The following CACNA2D2 variants were observed in gnomAD, a reference collection of about 807,000 sequenced individuals.
CACNA2D2 encodes calcium voltage-gated channel auxiliary subunit alpha2delta 2, also known as voltage-dependent calcium channel subunit alpha-2/delta-2.
CACNA2D2 carries 48 observed loss-of-function variants against 166.4 expected under a neutral mutation model. That is an observed-to-expected ratio of 0.29 (90% confidence interval 0.23 to 0.37). CACNA2D2 has a LOEUF of 0.37. Ranked by LOEUF, CACNA2D2 falls within the 10% of genes least tolerant of loss-of-function variation. CACNA2D2 has a pLI of 1.00. For synonymous variants in CACNA2D2, 561 were observed against 573.7 expected, an observed-to-expected ratio of 0.98 and a Z score of 0.32; for missense variants, 1,122 against 1,433.0, an observed-to-expected ratio of 0.78 and a Z score of 3.50.
At chr3:50,470,907 T>G (rs1194572546) in intron 2 of CACNA2D2, among the ~76,000 whole-genome samples, 1 of 152,076 alleles carries the variant, frequency 6.6e-6, no homozygotes, top group South Asian at 2.1e-4. Flanking sequence ...AGCCCCCCCT[T>G]TAGCCCCACG....
In CACNA2D2 at chr3:50,366,740, G is replaced by A. The variant is rs1186187441; in HGVS notation, c.2589+91C>T. ...CAGCTGGCCCTGCCTCCATGTAGGTGTTGGAGCCACTGAGTGGAGGGTTGG... is the reference window on the plus strand; with the variant it reads ...CAGCTGGCCCTGCCTCCATGTAGGTATTGGAGCCACTGAGTGGAGGGTTGG... On this transcript the variant is annotated intron_variant, in intron 29 of 37. Transcript: ENST00000424201. This position sits in a 1 kb window ranked among gnomAD's most constrained non-coding sequence, Gnocchi z 5.9. The A allele has an allele frequency of 1.3e-6, 2 of 1,548,312 alleles. No individual in the cohort carries two copies. The highest frequency in any genetic ancestry group is 2.7e-5 in the African/African-American group (2 of 73,556).
At chr3:50,465,105 A>C (rs1266584560) in intron 2 of CACNA2D2, among the ~76,000 whole-genome samples, 4 of 152,188 alleles carry the variant, frequency 2.6e-5, no homozygotes, top group Non-Finnish European at 4.4e-5. Context: ...CCGGAGGAGG[A>C]GGCCACTCCA....
chr3:50,410,866 G>C (rs988749534), intron 3 of CACNA2D2, among the ~76,000 whole-genome samples: 4 of 152,250 alleles, frequency 2.6e-5, no homozygotes, highest in Non-Finnish European at 5.9e-5. Context: ...AGGGCCTGGA[G>C]TTAGAGAAGG....
At chr3:50,481,694 A>G (rs976467894) in intron 1 of CACNA2D2, among the ~76,000 whole-genome samples, 1 of 152,182 alleles carries the variant, frequency 6.6e-6, no homozygotes, top group African/African-American at 2.4e-5. Flanking sequence ...GGGGAAGGCA[A>G]CAATTTAAAA....
intron 3 of CACNA2D2, among the ~76,000 whole-genome samples, chr3:50,401,956 G>A (rs1164515140): frequency 6.6e-6 from 1 of 152,056 alleles, no homozygotes; most frequent in African/African-American, 2.4e-5. Context: ...CAAGTCATCC[G>A]CCTGCCTTGG....
At chr3:50,464,980 CAG>C (rs1042791998) in intron 2 of CACNA2D2, among the ~76,000 whole-genome samples, 3 of 152,228 alleles carry the variant, frequency 2.0e-5, no homozygotes, top group African/African-American at 7.2e-5. Flanking sequence ...AACCTCAGGA[CAG>C]AGATGCACAT....
chr3:50,377,467 C>T lies in CACNA2D2; in HGVS notation c.1626G>A (p.Thr542=), dbSNP rs146279759. The T allele has an allele frequency of 3.0e-5, 48 of 1,612,094 alleles. No individual in the cohort carries two copies. The highest frequency in any genetic ancestry group is 3.6e-5 in the Non-Finnish European group (42 of 1,179,288). The change falls in exon 17 of 38, where the codon ACG becomes ACA. Residue 542 remains threonine (T), a splice_region_variant and synonymous_variant. Coordinates refer to ENST00000424201, the MANE Select transcript of CACNA2D2 (RefSeq NM_006030.4). ...NDIKRLTPNY[T]LGANGYVFAI... The stretch of plus-strand genomic sequence containing the variant: ...CGCGGATGGGCAGGGGGATGCTCAC[C>T]GTGTAGTTGGGGGTCAGCCTCTTGA...
Position 50,427,533 on chromosome 3 carries a change from TG to T in CACNA2D2, c.405+6779del, listed in dbSNP as rs1707859132. ...GCGGCTCCTTTCCAGAGCAGGAGAG[TG>T]GAAGGGTCAAGATCTCTTAATGTTC... On this transcript the variant is annotated intron_variant, in intron 3 of 37. Transcript: ENST00000424201. The surrounding 1 kb of genome is among the most constrained non-coding windows in gnomAD (Gnocchi z 4.7). 6.6e-6 allele frequency among the ~76,000 whole-genome samples: 1 copy of T among 151,826 alleles called. No homozygotes were observed. The highest frequency in any genetic ancestry group is 2.4e-5 in the African/African-American group (1 of 41,306).
rs1056441859 is a variant in CACNA2D2, at chr3:50,407,974, C to T, written c.406-13806G>A. Among the ~76,000 whole-genome samples the T allele has an allele frequency of 5.3e-5, 8 of 152,166 alleles. No homozygotes were observed. The East Asian group carries it at 7.7e-4, about 15-fold the overall frequency. ...GCCTCCCTGGACTCAGGGATTGGTG[C>T]GGTAGGTGTTTGTGCTTATGAACAT... On this transcript the variant is annotated intron_variant, in intron 3 of 37. Coordinates refer to ENST00000424201, the MANE Select transcript of CACNA2D2 (RefSeq NM_006030.4).
chr3:50,377,500 C>T lies in CACNA2D2; in HGVS notation c.1593G>A (p.Leu531=). The T allele has an allele frequency of 6.2e-7, 1 of 1,613,242 alleles. No individual in the cohort carries two copies. Among genetic ancestry groups the T allele is most frequent in the Non-Finnish European group, 8.5e-7 (1 of 1,179,972 alleles). The change falls in exon 17 of 38, where the codon CTG becomes CTA. Residue 531 remains leucine, a synonymous_variant. Coordinates refer to ENST00000424201, the MANE Select transcript of CACNA2D2 (RefSeq NM_006030.4). ...ILGVMGIDVA[L]NDIKRLTPNY... ...TGGGGGTCAGCCTCTTGATGTCATT[C>T]AGAGCCACGTCAATGCCCATCACGC...
Position 50,364,879 on chromosome 3 carries a change from T to C in CACNA2D2, c.3291+9A>G, listed in dbSNP as rs777596566. The C allele has an allele frequency of 1.2e-6, 2 of 1,613,204 alleles. No individual in the cohort carries two copies. The highest frequency in any genetic ancestry group is 1.7e-6 in the Non-Finnish European group (2 of 1,179,900). On this transcript the variant is annotated intron_variant, in intron 37 of 37. Transcript: ENST00000424201. ...GCGGGATTTCGGGTCCACCGCCCCC[T>C]CTCCTCACTGTCGCGTTGTAGTCGA...
At chr3:50,441,427 G>A (rs2106920571) in intron 2 of CACNA2D2, among the ~76,000 whole-genome samples, 1 of 152,356 alleles carries the variant, frequency 6.6e-6, no homozygotes, top group Non-Finnish European at 1.5e-5. Flanking sequence ...TCGTTACGCT[G>A]TAAAATCCAT....
chr3:50,382,914 T>A (rs969786095), intron 6 of CACNA2D2, among the ~76,000 whole-genome samples: 1 of 152,090 alleles, frequency 6.6e-6, no homozygotes, highest in Non-Finnish European at 1.5e-5. Flanking sequence ...CAAGGCACAC[T>A]CGCGCAAACA....
intron 2 of CACNA2D2, among the ~76,000 whole-genome samples, chr3:50,457,777 G>C (rs1342890430): frequency 6.6e-6 from 1 of 152,204 alleles, no homozygotes; most frequent in Non-Finnish European, 1.5e-5. Context: ...CCTGATTTCT[G>C]AGGCTCTTCT....
chr3:50,481,437 T>C (rs1405339132), intron 1 of CACNA2D2, among the ~76,000 whole-genome samples: 1 of 152,102 alleles, frequency 6.6e-6, no homozygotes, highest in Non-Finnish European at 1.5e-5. Context: ...GGCCTTCCCT[T>C]CAGCTTGGCA....
chr3:50,495,941 T>G (rs906899663), intron 1 of CACNA2D2, among the ~76,000 whole-genome samples: 3 of 152,252 alleles, frequency 2.0e-5, no homozygotes, highest in East Asian at 3.8e-4. Context: ...TTGCAAAAAT[T>G]TGAATTACAA....
chr3:50,376,252 G>A lies in CACNA2D2; in HGVS notation c.1627-64C>T. Reference sequence around the variant, plus strand: ...GGGCTGGGGTTCCCTGGGCTCCGGAGTTCTTCCCTATTTGGCCTCCCACCG... The same window carrying A: ...GGGCTGGGGTTCCCTGGGCTCCGGAATTCTTCCCTATTTGGCCTCCCACCG... On this transcript the variant is annotated intron_variant, in intron 17 of 37. Coordinates refer to ENST00000424201, the MANE Select transcript of CACNA2D2 (RefSeq NM_006030.4). The surrounding 1 kb of genome is among the most constrained non-coding windows in gnomAD (Gnocchi z 4.3). 6.4e-7 allele frequency: 1 copy of A among 1,552,564 alleles called. No individual in the cohort carries two copies. The highest frequency in any genetic ancestry group is 8.8e-7 in the Non-Finnish European group (1 of 1,131,430).
chr3:50,423,039 C>G (rs1707649711), intron 3 of CACNA2D2, among the ~76,000 whole-genome samples: 1 of 152,222 alleles, frequency 6.6e-6, no homozygotes, highest in South Asian at 2.1e-4. Context: ...GTTCCCCCAT[C>G]TGTCTCTGAC....
chr3:50,410,044 C>T (rs1706922415), intron 3 of CACNA2D2, among the ~76,000 whole-genome samples: 1 of 152,194 alleles, frequency 6.6e-6, no homozygotes, highest in South Asian at 2.1e-4. Flanking sequence ...GGCCACCCAG[C>T]GAGCTCTGGC....
Sources: allele counts gnomAD v4.1 joint callset (sites outside exome capture counted in the v4.1 genomes callset), GRCh38; gene constraint gnomAD v4.1.1; non-coding constraint Gnocchi (gnomAD v3.1); transcripts MANE v1.5; gene names NCBI Gene and HGNC (gene_info 2026-07-23, HGNC 2026-07-21).